The following CD28 variants were observed in gnomAD, a reference collection of about 807,000 sequenced individuals.
CD28 encodes T-cell-specific surface glycoprotein CD28.
Under a neutral mutation model 21.4 loss-of-function variants are expected in CD28, and 8 were observed. The observed-to-expected ratio is 0.37, with a 90% CI of 0.22 to 0.68. CD28 has a LOEUF of 0.68. CD28 is among the 30% of genes least tolerant of loss of function. The pLI, the probability that CD28 is intolerant of heterozygous loss-of-function variation, is 0.55. For synonymous variants in CD28, 106 were observed against 104.0 expected (o/e 1.02, Z -0.12); for missense variants, 239 against 272.2 (o/e 0.88, Z 0.86).
At chr2:203,724,778 A>T (rs906958549) in intron 1 of CD28, among the ~76,000 whole-genome samples, 2 of 152,238 alleles carry the variant, frequency 1.3e-5, no homozygotes, top group Non-Finnish European at 2.9e-5. Flanking sequence ...ACACCTGTGT[A>T]TATGAATTCA....
At chr2:203,714,892 G>T (rs1693424814) in intron 1 of CD28, among the ~76,000 whole-genome samples, 1 of 152,200 alleles carries the variant, frequency 6.6e-6, no homozygotes, top group African/African-American at 2.4e-5. Context: ...GGGCAATGCT[G>T]CCTTTGCTAT....
chr2:203,732,187 G>A (rs1375745295), intron 3 of CD28, among the ~76,000 whole-genome samples: 1 of 152,146 alleles, frequency 6.6e-6, no homozygotes, highest in Non-Finnish European at 1.5e-5. Context: ...CTGTTTTCCG[G>A]AACTTCCTGA....
At position 203,729,758 on chromosome 2, in the gene CD28, T is replaced by G. The variant is rs749985173; in HGVS notation, c.520T>G (p.Phe174Val). 1 of 1,613,752 alleles carries G rather than the reference T, an allele frequency of 6.2e-7. No homozygotes were observed. The highest frequency in any genetic ancestry group is 8.5e-7 in the Non-Finnish European group (1 of 1,179,842). The change falls in exon 3 of 4, where the codon TTT becomes GTT. Residue 174 changes from phenylalanine (F) to valine (V), a missense_variant. Phe to Val is a conservative substitution (Grantham distance 50). Transcript: ENST00000324106. Reference protein sequence around the residue: ...ACYSLLVTVAFIIFWVRSKRS... With the variant: ...ACYSLLVTVAVIIFWVRSKRS... Reference sequence around the variant, plus strand: ...CTATAGCTTGCTAGTAACAGTGGCCTTTATTATTTTCTGGGTAAGAGAAGC... The same window carrying G: ...CTATAGCTTGCTAGTAACAGTGGCCGTTATTATTTTCTGGGTAAGAGAAGC...
At chr2:203,710,584 A>G (rs780121109) in intron 1 of CD28, among the ~76,000 whole-genome samples, 1 of 152,208 alleles carries the variant, frequency 6.6e-6, no homozygotes, top group Non-Finnish European at 1.5e-5. Context: ...GAAATGCCAT[A>G]TGATTACCAT....
rs557228620 is a variant in CD28 at position 203,711,350 on chromosome 2, GAA to G, written c.52+4607_52+4608del. 5.9e-4 allele frequency among the ~76,000 whole-genome samples: 90 copies of G among 152,118 alleles called. 5 individuals are homozygous for G. The South Asian group carries it at 0.018, about 30-fold the overall frequency. On this transcript the variant is annotated intron_variant, in intron 1 of 3. Transcript: ENST00000324106. The stretch of plus-strand genomic sequence containing the variant: ...TACTCAGTCATTTGGTAGAGGCTTG[GAA>G]AAAAGAGTTTAGACTTCTCACTATT...
chr2:203,733,923 A>G (rs1006776986), intron 3 of CD28, among the ~76,000 whole-genome samples: 17 of 152,290 alleles, frequency 1.1e-4, no homozygotes, highest in African/African-American at 4.1e-4. Context: ...GGCTGAAATC[A>G]TTCACTTATT....
At chr2:203,723,574 G>T (rs1222742649) in intron 1 of CD28, among the ~76,000 whole-genome samples, 1 of 152,014 alleles carries the variant, frequency 6.6e-6, no homozygotes, top group African/African-American at 2.4e-5. Context: ...TTAATAAATG[G>T]GCAAATGATC....
chr2:203,734,382 G>C (rs1182320253), intron 3 of CD28, among the ~76,000 whole-genome samples: 2 of 152,082 alleles, frequency 1.3e-5, no homozygotes, highest in Non-Finnish European at 2.9e-5. Context: ...AGTCCTCTTC[G>C]GTTAATTATG....
rs1448633323 is a variant in CD28 at position 203,735,530 on chromosome 2, G to C, written c.*618G>C. ...AATTCTGATCATATTTAGTCATTTT[G>C]ACCAAATGAGGGATTTGGTCAAATG... On this transcript the variant is annotated 3_prime_UTR_variant, in exon 4 of 4. Coordinates refer to ENST00000324106, the MANE Select transcript of CD28 (RefSeq NM_006139.4). The C allele has an allele frequency of 6.6e-6, 1 of 152,564 alleles. No individual in the cohort carries two copies. The highest frequency in any genetic ancestry group is 1.5e-5 in the Non-Finnish European group (1 of 68,096). The allele number at this position is 152,564 out of a possible 1,614,324, so 9.5% of individuals were successfully genotyped here.
intron 2 of CD28, among the ~76,000 whole-genome samples, chr2:203,729,062 T>G (rs1178838842): frequency 6.6e-6 from 1 of 152,216 alleles, no homozygotes; most frequent in Non-Finnish European, 1.5e-5. Context: ...TTTGGTATGC[T>G]TTCTAGTTCT....
At chr2:203,716,191 A>C (rs1431001407) in intron 1 of CD28, among the ~76,000 whole-genome samples, 1 of 152,114 alleles carries the variant, frequency 6.6e-6, no homozygotes, top group Non-Finnish European at 1.5e-5. Context: ...GCCAGTTCCC[A>C]ATAAACTCTC....
chr2:203,731,053 T>C (rs1484000481), intron 3 of CD28, among the ~76,000 whole-genome samples: 4 of 152,210 alleles, frequency 2.6e-5, no homozygotes, highest in African/African-American at 9.6e-5. Flanking sequence ...AGGGCTCAGA[T>C]GGACATTTGT....
intron 3 of CD28, among the ~76,000 whole-genome samples, chr2:203,733,619 G>T (rs968296597): frequency 3.9e-5 from 6 of 152,036 alleles, no homozygotes; most frequent in Admixed American, 6.6e-5. Context: ...AATTCTAACG[G>T]CTGGTTAGAG....
chr2:203,717,088 C>T (rs1693480510), intron 1 of CD28, among the ~76,000 whole-genome samples: 1 of 152,174 alleles, frequency 6.6e-6, no homozygotes, highest in Non-Finnish European at 1.5e-5. Flanking sequence ...TTCAAGCGAT[C>T]CACCTGTGTC....
intron 3 of CD28, among the ~76,000 whole-genome samples, chr2:203,732,362 C>T (rs1471552594): frequency 6.6e-6 from 1 of 152,210 alleles, no homozygotes; most frequent in Non-Finnish European, 1.5e-5. Context: ...GCACCTGTCA[C>T]TGTCTTTCAA....
rs908107455 is a variant in CD28, at chr2:203,712,726, T to C, written c.52+5978T>C. Among the ~76,000 whole-genome samples the C allele has an allele frequency of 2.0e-5, 3 of 152,314 alleles. No individual in the cohort carries two copies. In the South Asian group the frequency reaches 6.2e-4, roughly 32 times the overall value. On this transcript the variant is annotated intron_variant, in intron 1 of 3. Coordinates refer to ENST00000324106, the MANE Select transcript of CD28 (RefSeq NM_006139.4). ...AGCATAAAATAAATACTCGTAAGAT[T>C]AATGTAGAAAGGTAAGCCTTTATGG... is the stretch of plus-strand genomic sequence containing the variant.
Position 203,737,248 on chromosome 2 carries a change from G to T in CD28, c.*2336G>T, listed in dbSNP as rs533610041. The T allele has an allele frequency of 2.0e-5, 3 of 152,160 alleles. No individual in the cohort carries two copies. The highest frequency in any genetic ancestry group is 7.2e-5 in the African/African-American group (3 of 41,500). The allele number at this position is 152,160 out of a possible 1,614,324, so 9.4% of individuals were successfully genotyped here. On this transcript the variant is annotated 3_prime_UTR_variant, in exon 4 of 4. Transcript: ENST00000324106. ...GGCTTCCATTCCATGGATTTAATCA[G>T]TCCCAAGAAGATCAAACTCAGCAGT...
chr2:203,722,206 C>T (rs1693621654), intron 1 of CD28, among the ~76,000 whole-genome samples: 1 of 152,148 alleles, frequency 6.6e-6, no homozygotes, highest in Non-Finnish European at 1.5e-5. Context: ...AATGCCTAAC[C>T]TGCACTCACT....
At chr2:203,721,325 T>C (rs2106115847) in intron 1 of CD28, among the ~76,000 whole-genome samples, 1 of 152,290 alleles carries the variant, frequency 6.6e-6, no homozygotes, top group African/African-American at 2.4e-5. Context: ...CTTCAGTAGA[T>C]CTTCATCACC....
Sources: allele counts gnomAD v4.1 joint callset (sites outside exome capture counted in the v4.1 genomes callset), GRCh38; gene constraint gnomAD v4.1.1; transcripts MANE v1.5; gene names NCBI Gene and HGNC (gene_info 2026-07-23, HGNC 2026-07-21).